The following ATP5ME variants were observed in gnomAD, a reference collection of about 807,000 sequenced individuals.
ATP5ME encodes ATP synthase F(0) complex subunit e, mitochondrial.
ATP5ME carries 10 observed loss-of-function variants against 11.6 expected under a neutral mutation model. That is an observed-to-expected ratio of 0.86 (90% CI 0.53 to 1.46). ATP5ME has a LOEUF of 1.46. Ranked by LOEUF, ATP5ME falls within the 40% of genes most tolerant of loss-of-function variation. The probability of loss-of-function intolerance (pLI) is 0.00; values close to 1 mark genes in which losing one functional copy is unlikely to be tolerated. For missense variants in ATP5ME, 115 were observed against 85.4 expected (o/e 1.35, Z -1.37); for synonymous variants, 45 against 33.5 (o/e 1.34, Z -1.19).
chr4:673,918 G>T lies in ATP5ME; in HGVS notation c.85C>A (p.Arg29Ser). 6.5e-7 allele frequency: 1 copy of T among 1,546,280 alleles called. No homozygotes were observed. The change falls in exon 2 of 4, where the codon CGC becomes AGC. Residue 29 changes from arginine (R) to serine (S), a missense_variant. Arg to Ser is a moderately radical substitution (Grantham distance 110, BLOSUM62 -1). Transcript: ENST00000304312. Reference protein sequence around the residue: ...LFLGVAYGATRYNYLKPRAEE... With the variant: ...LFLGVAYGATSYNYLKPRAEE... ...CCCGCCCGCGGTCACTCACTGTAGC[G>T]CGTGGCTCCGTAGGCCACACCGAGG...
rs899801294 is a variant in ATP5ME at position 673,694 on chromosome 4, C to G, written c.91+218G>C. ...ACAGCCATTTAGCACCCGTTTTCAC[C>G]AAGAAGCAGCCGTTTTCGAGTCCCC... On this transcript the variant is annotated intron_variant, in intron 2 of 3. Coordinates refer to ENST00000304312, the MANE Select transcript of ATP5ME (RefSeq NM_007100.4). The G allele has an allele frequency of 2.5e-6, 2 of 798,688 alleles. 1 individual carries two copies. The highest frequency in any genetic ancestry group is 3.4e-5 in the South Asian group (2 of 58,778). 49.5% of individuals were successfully genotyped at this position (798,688 alleles called of 1,614,324 possible).
At position 673,816 on chromosome 4, in the gene ATP5ME, C is replaced by G. The variant is rs983373313; in HGVS notation, c.91+96G>C. ...CGGTCCTGCAGCCTCGCATGCGTCC[C>G]AAGCCCCCTTCCAGAGCTGGAGTTC... On this transcript the variant is annotated intron_variant, in intron 2 of 3. Transcript: ENST00000304312. 27 of 1,476,414 alleles carry G rather than the reference C, an allele frequency of 1.8e-5. No individual in the cohort carries two copies. The East Asian group carries it at 6.4e-4, about 35-fold the overall frequency. The allele number at this position is 1,476,414 out of a possible 1,614,324, so 91.5% of individuals were successfully genotyped here. A position where few individuals can be genotyped will look rare whatever the true frequency, so the allele number is the denominator to read the frequency against.
intron 1 of ATP5ME, 91 bp downstream of exon 1, chr4:674,121 G>C (rs1371939284): frequency 2.0e-6 from 3 of 1,469,374 alleles, no homozygotes; most frequent in South Asian, 1.2e-5. Context: ...TGGGGGCGGG[G>C]GCCGGGGGTC....
In ATP5ME at chr4:673,469, G is replaced by A. The variant is rs538916070; in HGVS notation, c.92-68C>T. ...TGTACAAAAGGAACTGAGTCCACAG[G>A]TCAAGGTATCTTCAGCGACGCTGTA... On this transcript the variant is annotated intron_variant, in intron 2 of 3. Coordinates refer to ENST00000304312, the MANE Select transcript of ATP5ME (RefSeq NM_007100.4). 1.3e-5 allele frequency: 21 copies of A among 1,609,906 alleles called. No individual in the cohort carries two copies. In the East Asian group the frequency reaches 2.0e-4, roughly 15 times the overall value.
rs1008217134 is a variant in ATP5ME at position 673,444 on chromosome 4, T to C, written c.92-43A>G. ...GGAGAATAAAATTCACTGGAAATGC[T>C]GTACAAAAGGAACTGAGTCCACAGG... On this transcript the variant is annotated intron_variant, in intron 2 of 3. Coordinates refer to ENST00000304312, the MANE Select transcript of ATP5ME (RefSeq NM_007100.4). 5 of 1,613,434 alleles carry C rather than the reference T, an allele frequency of 3.1e-6. No homozygotes were observed. In the African/African-American group the frequency reaches 6.7e-5, roughly 22 times the overall value.
At chr4:672,616 T>C in intron 3 of ATP5ME, 97 bp from the exon 4 acceptor site, 1 of 1,267,142 alleles carries the variant, frequency 7.9e-7, no homozygotes, top group Non-Finnish European at 1.1e-6. Flanking sequence ...TTTTTTTTTT[T>C]GTTTTGAGAC....
At chr4:673,850 G>C in intron 2 of ATP5ME, 62 bp downstream of exon 2, 1 of 1,534,254 alleles carries the variant, frequency 6.5e-7, no homozygotes, top group Non-Finnish European at 8.8e-7. Context: ...TCTCCAAATA[G>C]CACAGGAGCT....
At chr4:673,535 G>C (rs1016433462) in intron 2 of ATP5ME, 134 bp from the exon 3 acceptor site, 5 of 1,462,068 alleles carry the variant, frequency 3.4e-6, no homozygotes, top group African/African-American at 1.4e-5. Flanking sequence ...ATGTTAATGC[G>C]AGTCAACGCC....
In ATP5ME at chr4:672,462, C is replaced by A; in HGVS notation, c.*38G>T. On this transcript the variant is annotated 3_prime_UTR_variant, in exon 4 of 4. Transcript: ENST00000304312. ...ATCACACAACACAGGAAGCTTTATT[C>A]ATCCGCTGCTGGTCCAAAGAGTGGG... The A allele has an allele frequency of 2.5e-6, 4 of 1,613,376 alleles. No individual in the cohort carries two copies. Among genetic ancestry groups the A allele is most frequent in the African/African-American group, 2.7e-5 (2 of 75,040 alleles).
At chr4:673,731 C>A in intron 2 of ATP5ME, 181 bp downstream of exon 2, 1 of 1,003,464 alleles carries the variant, frequency 1.0e-6, no homozygotes, top group African/African-American at 1.6e-5. Flanking sequence ...GCCCGGGCCT[C>A]AGAAGCCTGA....
At chr4:672,741 G>A (rs369292708) in intron 3 of ATP5ME, among the ~76,000 whole-genome samples, 3 of 151,934 alleles carry the variant, frequency 2.0e-5, no homozygotes, top group East Asian at 1.9e-4. Context: ...ACATGCACCC[G>A]CCATCATGCC....
intron 2 of ATP5ME, chr4:673,648 C>T: frequency 1.3e-6 from 1 of 763,620 alleles, no homozygotes. Context: ...GACTGCCTCC[C>T]ATCAAGACCT....
chr4:672,593 GTTATTT>G, intron 3 of ATP5ME, 74 bp from the exon 4 acceptor site: 1 of 1,101,052 alleles, frequency 9.1e-7, no homozygotes, highest in Non-Finnish European at 1.3e-6. Context: ...CAGCTTCCCA[GTTATTT>G]TTTTTTTTTT....
intron 2 of ATP5ME, chr4:673,672 G>A: frequency 1.3e-6 from 1 of 758,150 alleles, no homozygotes; most frequent in Non-Finnish European, 2.1e-6. Context: ...CACTCGAACA[G>A]CCATTTAGCA....
Position 673,321 on chromosome 4 carries a change from C to G in ATP5ME, c.172G>C (p.Ala58Pro). The G allele has an allele frequency of 6.2e-7, 1 of 1,614,220 alleles. No individual in the cohort carries two copies. Among genetic ancestry groups the G allele is most frequent in the Non-Finnish European group, 8.5e-7 (1 of 1,180,014 alleles). Residue 58 changes from alanine to proline, a missense_variant, in exon 3 of 4, where the codon GCC (alanine) becomes CCC (proline). Transcript: ENST00000304312. ...CTCGTACCTTCTGCCAATTCTCTGG[C>G]AATCCGTTTCAGTTCATCCTGCTTC... Reference protein sequence around the residue: ...KKKQDELKRIARELAEDDSIL... With the variant: ...KKKQDELKRIPRELAEDDSIL...
intron 3 of ATP5ME, among the ~76,000 whole-genome samples, 178 bp from the exon 4 acceptor site, chr4:672,697 T>G (rs1738581505): frequency 6.6e-6 from 1 of 151,880 alleles, no homozygotes; most frequent in African/African-American, 2.4e-5. Context: ...GTTAAAGCGA[T>G]TCTCCCACCT....
chr4:674,109 C>T (rs1057391913), intron 1 of ATP5ME, 103 bp downstream of exon 1: 3 of 817,382 alleles, frequency 3.7e-6, no homozygotes, highest in African/African-American at 3.1e-5. Context: ...GGGCGAGGAT[C>T]ATGGGGGCGG....
chr4:674,047 T>C (rs1346113874), intron 1 of ATP5ME, 81 bp from the exon 2 acceptor site: 9 of 1,176,728 alleles, frequency 7.6e-6, no homozygotes, highest in Non-Finnish European at 1.0e-5. Context: ...GCGGGGTCGC[T>C]GGGCAGAGGT....
rs755880121 is a variant in ATP5ME at position 673,309 on chromosome 4, CCAATTCTCTGG to C, written c.173_183del (p.Ala58GlyfsTer4). 11 of 1,614,204 alleles carry C rather than the reference CCAATTCTCTGG, an allele frequency of 6.8e-6. No homozygotes were observed. In the South Asian group the frequency reaches 1.1e-4, roughly 16 times the overall value. ...GAGCCAGTGTCACTCGTACCTTCTG[CCAATTCTCTGG>C]CAATCCGTTTCAGTTCATCCTGCTT... On this transcript the variant is annotated frameshift_variant, in exon 3 of 4. Transcript: ENST00000304312. LOFTEE classifies it high-confidence loss of function.
Sources: gnomAD v4.1 joint callset for allele counts (sites outside exome capture counted in the v4.1 genomes callset) on GRCh38, gnomAD v4.1.1 for gene constraint, MANE v1.5 for transcripts, NCBI Gene and HGNC (gene_info 2026-07-23, HGNC 2026-07-21) for gene names.